Variants in POLN observed in about 807,000 individuals in gnomAD.
POLN encodes the protein DNA polymerase N.
Under a neutral mutation model 113.5 loss-of-function variants are expected in POLN, and 108 were observed. That is an observed-to-expected ratio of 0.95 (90% CI 0.81 to 1.12). The LOEUF (loss-of-function observed/expected upper bound fraction) is 1.12. Among genes scored for constraint, POLN ranks in the 50% most tolerant of loss-of-function variants. The probability of loss-of-function intolerance (pLI) is 0.00; values close to 1 mark genes in which losing one functional copy is unlikely to be tolerated. For synonymous variants in POLN, 386 were observed against 391.5 expected, an observed-to-expected ratio of 0.99 and a Z score of 0.17; for missense variants, 1,097 against 1,077.1, an observed-to-expected ratio of 1.02 and a Z score of -0.26.
At position 2,072,820 on chromosome 4, in the gene POLN, C is replaced by T. The variant is rs986261930; in HGVS notation, c.2517+148G>A. On this transcript the variant is annotated intron_variant, in intron 25 of 25. Coordinates refer to ENST00000511885, the MANE Select transcript of POLN (RefSeq NM_181808.4). The stretch of plus-strand genomic sequence containing the variant: ...GGTGGGGCTTCCCGGGCTTCAGGGA[C>T]GGTCCAGCCTCCACGGCTGTGCCTG... 39 of 781,724 alleles carry T rather than the reference C, an allele frequency of 5.0e-5. No homozygotes were observed. In the East Asian group the frequency reaches 5.0e-4, roughly 10 times the overall value. 48.4% of individuals were successfully genotyped at this position (781,724 alleles called of 1,614,324 possible). A position where few individuals can be genotyped will look rare whatever the true frequency, so the allele number is the denominator to read the frequency against.
intron 10 of POLN, 95 bp downstream of exon 10, chr4:2,174,596 T>C: frequency 2.9e-6 from 3 of 1,049,766 alleles, no homozygotes; most frequent in Non-Finnish European, 2.9e-6. Context: ...AGATATACTA[T>C]CTACTCCTAA....
intron 2 of POLN, chr4:2,236,104 A>G: frequency 1.7e-6 from 1 of 597,336 alleles, no homozygotes; most frequent in Non-Finnish European, 2.9e-6. Context: ...AGATATAGAA[A>G]TATACTTTAT....
chr4:2,176,703 T>C (rs1171025593), intron 8 of POLN, among the ~76,000 whole-genome samples: 1 of 152,112 alleles, frequency 6.6e-6, no homozygotes, highest in Non-Finnish European at 1.5e-5. Flanking sequence ...CACAGCTCCA[T>C]TCTCTCAGCC....
intron 7 of POLN, among the ~76,000 whole-genome samples, chr4:2,193,002 T>C (rs1306518153): frequency 6.6e-6 from 1 of 152,084 alleles, no homozygotes; most frequent in Non-Finnish European, 1.5e-5. Flanking sequence ...GAAAGTAATA[T>C]ATACTTGTAA....
intron 2 of POLN, among the ~76,000 whole-genome samples, chr4:2,235,575 CTT>C (rs1388424997): frequency 6.6e-6 from 1 of 152,118 alleles, no homozygotes; most frequent in Non-Finnish European, 1.5e-5. Context: ...AACTATATAG[CTT>C]TACGTGTATC....
intron 11 of POLN, among the ~76,000 whole-genome samples, chr4:2,172,034 T>C (rs1298578547): frequency 1.3e-5 from 2 of 151,948 alleles, no homozygotes; most frequent in Admixed American, 1.3e-4. Flanking sequence ...AGAAAAAATA[T>C]AAAAATGGGC....
At chr4:2,185,829 TAAAC>T (rs1233380861) in intron 7 of POLN, among the ~76,000 whole-genome samples, 19 of 151,604 alleles carry the variant, frequency 1.3e-4, no homozygotes, top group Non-Finnish European at 1.9e-4. Context: ...ACAAAACAAA[TAAAC>T]AAAAACAGTT....
At chr4:2,078,155 A>G (rs1057158030) in intron 23 of POLN, among the ~76,000 whole-genome samples, 4 of 152,222 alleles carry the variant, frequency 2.6e-5, no homozygotes, top group Non-Finnish European at 4.4e-5. Flanking sequence ...GGCCTCATGC[A>G]GACCCGCCTT....
chr4:2,086,554 G>T (rs1198194209), intron 20 of POLN, among the ~76,000 whole-genome samples: 4 of 152,212 alleles, frequency 2.6e-5, no homozygotes, highest in Non-Finnish European at 5.9e-5. Flanking sequence ...GTTCTAAGCA[G>T]TGTGTGGTTT....
intron 16 of POLN, among the ~76,000 whole-genome samples, chr4:2,144,579 A>G (rs959697776): frequency 6.6e-6 from 1 of 152,198 alleles, no homozygotes; most frequent in African/African-American, 2.4e-5. Context: ...ATTAATATTT[A>G]AATAATATAT....
Position 2,081,710 on chromosome 4 carries a change from G to A in POLN, c.2231C>T (p.Pro744Leu). The A allele has an allele frequency of 1.2e-6, 2 of 1,614,066 alleles. No homozygotes were observed. Among genetic ancestry groups the A allele is most frequent in the Non-Finnish European group, 1.7e-6 (2 of 1,179,990 alleles). The change falls in exon 22 of 26, where the codon CCC (proline) becomes CTC (leucine). Residue 744 changes from proline to leucine, a missense_variant. By Grantham distance (98) the Pro-to-Leu change is moderately conservative. Transcript: ENST00000511885. ...GTCATGAGCGTGAATCCTTGGCAGG[G>A]GTCTCCTTCTGCCCATGATGGACAC... ...CVVSIMGRRRPLPRIHAHDQQ... is the reference protein window; with the variant it reads ...CVVSIMGRRRLLPRIHAHDQQ...
chr4:2,240,421 A>G, intron 2 of POLN: 2 of 1,613,750 alleles, frequency 1.2e-6, no homozygotes, highest in Non-Finnish European at 8.5e-7. Flanking sequence ...AACATCATCA[A>G]TTGTGTAACT....
In POLN at chr4:2,174,748, A is replaced by T; in HGVS notation, c.1252T>A (p.Tyr418Asn). ...GTACGAAATAGTTGCCATAAACCATAATCCTGTTTAATAGGAAGAAATAAC... is the reference window on the plus strand; with the variant it reads ...GTACGAAATAGTTGCCATAAACCATTATCCTGTTTAATAGGAAGAAATAAC... ...TMDLCSKLKD[Y>N]GLWQLFRTLE... Residue 418 changes from tyrosine (Y) to asparagine (N), a missense_variant, in exon 10 of 26, where the codon TAT becomes AAT. Tyr to Asn is a moderately radical substitution (Grantham distance 143). Transcript: ENST00000511885. 2 of 1,593,736 alleles carry T rather than the reference A, an allele frequency of 1.3e-6. No homozygotes were observed. Among genetic ancestry groups the T allele is most frequent in the Non-Finnish European group, 1.7e-6 (2 of 1,163,068 alleles).
chr4:2,186,015 C>A (rs1259300741), intron 7 of POLN, among the ~76,000 whole-genome samples: 2 of 152,138 alleles, frequency 1.3e-5, no homozygotes, highest in African/African-American at 4.8e-5. Flanking sequence ...CCAGCAATAT[C>A]CCAGAACCCA....
chr4:2,147,643 C>CGTTTTTTTTTT (rs1732180442), intron 16 of POLN, among the ~76,000 whole-genome samples: 1 of 79,358 alleles, frequency 1.3e-5, no homozygotes, highest in Admixed American at 1.7e-4. Context: ...TTTTTCTTTT[C>CGTTTTTTTTTT]TTTTTTTTTT....
intron 2 of POLN, chr4:2,230,353 A>G (rs1179218020): frequency 2.0e-5 from 3 of 152,162 alleles, no homozygotes; most frequent in African/African-American, 7.2e-5. Context: ...ACACTAATTT[A>G]AACAGAATAT....
intron 16 of POLN, among the ~76,000 whole-genome samples, chr4:2,146,150 A>C (rs1019262045): frequency 2.6e-5 from 4 of 152,186 alleles, no homozygotes; most frequent in African/African-American, 9.6e-5. Context: ...CTAAATGTAG[A>C]ATAGAAAAGG....
At chr4:2,092,215 T>C (rs1730684355) in intron 20 of POLN, among the ~76,000 whole-genome samples, 1 of 152,108 alleles carries the variant, frequency 6.6e-6, no homozygotes, top group African/African-American at 2.4e-5. Flanking sequence ...CCAGGCGGTG[T>C]GCCCTCAGCA....
intron 16 of POLN, among the ~76,000 whole-genome samples, chr4:2,131,556 T>C (rs767606890): frequency 1.6e-4 from 24 of 152,250 alleles, no homozygotes; most frequent in Non-Finnish European, 3.2e-4. Flanking sequence ...ACAGTCATTC[T>C]TTTTACAGCA....
Sources: allele counts gnomAD v4.1 joint callset (sites outside exome capture counted in the v4.1 genomes callset), GRCh38; gene constraint gnomAD v4.1.1; transcripts MANE v1.5; gene names NCBI Gene and HGNC (gene_info 2026-07-23, HGNC 2026-07-21).